Variants in WWOX observed in about 807,000 individuals in gnomAD.
WWOX encodes WW domain-containing oxidoreductase.
In WWOX, 69 loss-of-function variants were observed where a neutral mutation model predicts 46.2. The ratio of observed to expected loss-of-function variants is 1.49; its 90% CI spans 1.23 to 1.82. The LOEUF is 1.82. Ranked by LOEUF, WWOX falls within the 40% of genes most tolerant of loss-of-function variation. The pLI is 0.00. For missense variants in WWOX, 919 were observed against 542.6 expected (o/e 1.69, Z -6.89); for synonymous variants, 359 against 202.6 (o/e 1.77, Z -6.56).
intron 8 of WWOX, among the ~76,000 whole-genome samples, chr16:79,164,351 T>C (rs2050549255): frequency 2.0e-5 from 3 of 152,242 alleles, no homozygotes; most frequent in South Asian, 4.1e-4. Context: ...TGCTTTTAGA[T>C]TGCCACTTCC....
At chr16:78,705,253 A>T (rs935667113) in intron 8 of WWOX, among the ~76,000 whole-genome samples, 1 of 152,198 alleles carries the variant, frequency 6.6e-6, no homozygotes. Context: ...TTCTCTATGC[A>T]TATTGTTTAC....
intron 8 of WWOX, among the ~76,000 whole-genome samples, chr16:79,172,379 TA>T (rs991336567): frequency 4.1e-4 from 63 of 152,290 alleles, no homozygotes; most frequent in African/African-American, 1.5e-3. Flanking sequence ...GCAGCCCTTT[TA>T]AACCTGTATC....
Position 78,893,146 on chromosome 16 carries a change from A to T in WWOX, c.1057-318462A>T, listed in dbSNP as rs1413936900. 2.6e-5 allele frequency among the ~76,000 whole-genome samples: 4 copies of T among 152,050 alleles called. No homozygotes were observed. In the East Asian group the frequency reaches 7.7e-4, roughly 29 times the overall value. On this transcript the variant is annotated intron_variant, in intron 8 of 8. Coordinates refer to ENST00000566780, the MANE Select transcript of WWOX (RefSeq NM_016373.4). The stretch of plus-strand genomic sequence containing the variant: ...ACAGAAAAGGAGGCTCTCCAGGCTG[A>T]CAGGGTCACAAAGACACACGACTAT...
At chr16:79,046,376 T>G (rs1005758782) in intron 8 of WWOX, among the ~76,000 whole-genome samples, 11 of 152,186 alleles carry the variant, frequency 7.2e-5, no homozygotes, top group African/African-American at 2.7e-4. Context: ...CCTGTTGTCT[T>G]TATCAGTTCA....
At chr16:78,406,013 T>G (rs1221105329) in intron 6 of WWOX, among the ~76,000 whole-genome samples, 1 of 152,100 alleles carries the variant, frequency 6.6e-6, no homozygotes, top group Non-Finnish European at 1.5e-5. Context: ...GGATCATGTT[T>G]CTCATTCCAT....
intron 8 of WWOX, among the ~76,000 whole-genome samples, chr16:78,677,753 A>C (rs2047637469): frequency 2.0e-5 from 3 of 152,188 alleles, no homozygotes. Context: ...ATGTCCAGAA[A>C]ACACTAGCTG....
At chr16:78,553,731 A>G (rs1433146842) in intron 8 of WWOX, among the ~76,000 whole-genome samples, 1 of 152,064 alleles carries the variant, frequency 6.6e-6, no homozygotes, top group Non-Finnish European at 1.5e-5. Flanking sequence ...GAGGCCTGGG[A>G]GAGACAGCAG....
At chr16:79,074,274 A>T (rs749251274) in intron 8 of WWOX, among the ~76,000 whole-genome samples, 51 of 152,148 alleles carry the variant, frequency 3.4e-4, no homozygotes, top group Non-Finnish European at 5.3e-4. Context: ...AAATGTCAGG[A>T]ACCTGGGTTT....
rs1358046401 is a variant in WWOX at position 78,851,003 on chromosome 16, A to G, written c.1057-360605A>G. ...TCTCTGCATGTAGTGTTTCTTTTGC[A>G]GCTCCTAGAGATAAATTTTTTAATG... On this transcript the variant is annotated intron_variant, in intron 8 of 8. Coordinates refer to ENST00000566780, the MANE Select transcript of WWOX (RefSeq NM_016373.4). Among the ~76,000 whole-genome samples the G allele has an allele frequency of 1.2e-4, 18 of 152,306 alleles. No homozygotes were observed. In the East Asian group the frequency reaches 3.1e-3, roughly 26 times the overall value.
At chr16:78,493,876 G>A (rs919508399) in intron 8 of WWOX, among the ~76,000 whole-genome samples, 2 of 152,112 alleles carry the variant, frequency 1.3e-5, no homozygotes, top group African/African-American at 4.8e-5. Flanking sequence ...CTTTCCATTT[G>A]GATAGATGAA....
intron 8 of WWOX, among the ~76,000 whole-genome samples, chr16:79,173,208 C>G (rs934541449): frequency 6.6e-6 from 1 of 152,186 alleles, no homozygotes; most frequent in Non-Finnish European, 1.5e-5. Flanking sequence ...CCTTTCGGTT[C>G]ACATCACCTG....
intron 8 of WWOX, among the ~76,000 whole-genome samples, chr16:78,559,263 G>A (rs1052621613): frequency 6.6e-6 from 1 of 152,198 alleles, no homozygotes; most frequent in Non-Finnish European, 1.5e-5. Context: ...ATGTATTTTA[G>A]AAAGAGCCCT....
At chr16:79,175,212 C>T (rs562504137) in intron 8 of WWOX, among the ~76,000 whole-genome samples, 4 of 152,270 alleles carry the variant, frequency 2.6e-5, no homozygotes, top group East Asian at 1.9e-4. Context: ...TTGAATTGAA[C>T]GAAGGCATTT....
intron 8 of WWOX, among the ~76,000 whole-genome samples, chr16:78,659,295 G>GT (rs2047156628): frequency 6.6e-6 from 1 of 152,024 alleles, no homozygotes; most frequent in Non-Finnish European, 1.5e-5. Flanking sequence ...ATTCAGCCCA[G>GT]TTTTTTCAGT....
At chr16:79,090,805 G>A (rs2048944376) in intron 8 of WWOX, among the ~76,000 whole-genome samples, 1 of 152,174 alleles carries the variant, frequency 6.6e-6, no homozygotes, top group Non-Finnish European at 1.5e-5. Context: ...GAAAGACTCT[G>A]TTTTGGTTAT....
intron 8 of WWOX, among the ~76,000 whole-genome samples, chr16:78,556,130 G>C (rs1445112770): frequency 6.6e-6 from 1 of 151,970 alleles, no homozygotes; most frequent in Admixed American, 6.5e-5. Context: ...ACCACAGACA[G>C]GCTTTTTCAA....
chr16:78,902,991 G>T (rs1419624168), intron 8 of WWOX, among the ~76,000 whole-genome samples: 1 of 152,202 alleles, frequency 6.6e-6, no homozygotes, highest in African/African-American at 2.4e-5. Flanking sequence ...AGCGGAGGGT[G>T]TCCGGGTTCT....
intron 5 of WWOX, among the ~76,000 whole-genome samples, chr16:78,371,685 T>G (rs2081692861): frequency 6.6e-6 from 1 of 152,198 alleles, no homozygotes; most frequent in South Asian, 2.1e-4. Flanking sequence ...ATTTTTATCT[T>G]TAGTGTTTAG....
intron 8 of WWOX, among the ~76,000 whole-genome samples, chr16:78,681,046 C>G (rs557693535): frequency 7.2e-5 from 11 of 152,038 alleles, no homozygotes; most frequent in African/African-American, 2.2e-4. Flanking sequence ...GTCGAGAGTT[C>G]GAGACCACCC....
Sources: allele counts gnomAD v4.1 joint callset (sites outside exome capture counted in the v4.1 genomes callset), GRCh38; gene constraint gnomAD v4.1.1; transcripts MANE v1.5; gene names NCBI Gene and HGNC (gene_info 2026-07-23, HGNC 2026-07-21).